The following NRXN1 variants were observed in gnomAD, a reference collection of about 807,000 sequenced individuals.
The protein encoded by NRXN1 is neurexin-1.
A neutral mutation model predicts 150.9 loss-of-function variants in NRXN1; 39 were observed. The ratio of observed to expected loss-of-function variants is 0.26; its 90% CI spans 0.20 to 0.34. The LOEUF (loss-of-function observed/expected upper bound fraction) is 0.34. Ranked by LOEUF, NRXN1 falls within the 10% of genes least tolerant of loss-of-function variation. The pLI is 1.00. For synonymous variants in NRXN1, 924 were observed against 757.0 expected, an observed-to-expected ratio of 1.22 and a Z score of -3.62; for missense variants, 1,815 against 1,949.9, an observed-to-expected ratio of 0.93 and a Z score of 1.30.
intron 21 of NRXN1, among the ~76,000 whole-genome samples, chr2:50,001,450 T>C (rs1541642): frequency 0.84 from 127,937 of 151,968 alleles, 53,941 homozygotes; most frequent in Middle Eastern, 0.89. Flanking sequence ...ATGTAAAGCA[T>C]TTAGGGGGTA....
At chr2:50,818,845 G>A (rs1163709295) in intron 5 of NRXN1, among the ~76,000 whole-genome samples, 5 of 151,992 alleles carry the variant, frequency 3.3e-5, no homozygotes, top group African/African-American at 7.2e-5. Context: ...ATTAAAAAGC[G>A]GGCAAAGAAC....
chr2:50,627,402 C>G (rs1423928125), intron 5 of NRXN1, among the ~76,000 whole-genome samples: 1 of 134,178 alleles, frequency 7.5e-6, no homozygotes, highest in African/African-American at 2.7e-5. Flanking sequence ...TGTGCGCATA[C>G]TAATAATTAT....
intron 18 of NRXN1, among the ~76,000 whole-genome samples, chr2:50,115,346 G>A (rs559802941): frequency 6.6e-6 from 1 of 150,762 alleles, no homozygotes; most frequent in African/African-American, 2.4e-5. Context: ...CAAATTTCTG[G>A]GGGTACTCAG....
intron 8 of NRXN1, among the ~76,000 whole-genome samples, chr2:50,591,722 C>T (rs1016961834): frequency 6.6e-6 from 1 of 152,152 alleles, no homozygotes; most frequent in Non-Finnish European, 1.5e-5. Context: ...AGGAGGGTGA[C>T]CCCTATCTGG....
chr2:50,144,335 C>T (rs996743895), intron 18 of NRXN1, among the ~76,000 whole-genome samples: 5 of 151,834 alleles, frequency 3.3e-5, no homozygotes, highest in African/African-American at 1.2e-4. Flanking sequence ...ACCACTCTGT[C>T]TGAATTTTTG....
At chr2:50,538,676 C>CG in intron 9 of NRXN1, 40 bp from the exon 10 acceptor site, 1 of 1,404,494 alleles carries the variant, frequency 7.1e-7, no homozygotes, top group Non-Finnish European at 9.3e-7. Flanking sequence ...CTTTAAAAAG[C>CG]ACCAACGTGT....
chr2:49,998,686 G>T (rs1236924413), intron 21 of NRXN1, among the ~76,000 whole-genome samples: 2 of 152,052 alleles, frequency 1.3e-5, no homozygotes, highest in East Asian at 3.9e-4. Flanking sequence ...AAAAAATAAT[G>T]TCATGGCTTT....
chr2:50,257,739 G>T (rs984157456), intron 17 of NRXN1, among the ~76,000 whole-genome samples: 8 of 151,932 alleles, frequency 5.3e-5, no homozygotes, highest in Non-Finnish European at 1.2e-4. Flanking sequence ...AGCAAAGAAA[G>T]ATAATTTAAA....
chr2:50,680,980 T>C (rs1559116087), intron 5 of NRXN1, among the ~76,000 whole-genome samples: 1 of 150,462 alleles, frequency 6.6e-6, no homozygotes, highest in South Asian at 2.1e-4. Flanking sequence ...GTTAACTTAG[T>C]AAAAAAAAAA....
At chr2:50,815,663 T>C (rs1668825640) in intron 5 of NRXN1, among the ~76,000 whole-genome samples, 1 of 152,170 alleles carries the variant, frequency 6.6e-6, no homozygotes, top group South Asian at 2.1e-4. Flanking sequence ...GTCAGGACTA[T>C]TTAAAAACCA....
intron 5 of NRXN1, among the ~76,000 whole-genome samples, chr2:50,880,305 C>T (rs1229573739): frequency 6.6e-6 from 1 of 151,928 alleles, no homozygotes; most frequent in Non-Finnish European, 1.5e-5. Context: ...CTTTTCTAAC[C>T]AACTGAAATA....
In NRXN1 at chr2:50,329,659, ATATATATATATATATTTTT is replaced by A. The variant is rs1482772013; in HGVS notation, c.3365-92708_3365-92690del. The stretch of plus-strand genomic sequence containing the variant: ...TATATATATATATATATATATATAT[ATATATATATATATATTTTT>A]TTTTTTCCCCCCCGAGACGGAGTCT... On this transcript the variant is annotated intron_variant, in intron 17 of 22. Transcript: ENST00000401669. Among the ~76,000 whole-genome samples, 46 of 22,154 alleles carry A rather than the reference ATATATATATATATATTTTT, an allele frequency of 2.1e-3. 3 individuals carry two copies. The highest frequency in any genetic ancestry group is 7.7e-3 in the African/African-American group (42 of 5,470). 14.5% of individuals were successfully genotyped at this position (22,154 alleles called of 152,430 possible).
chr2:50,121,263 C>T (rs184523895), intron 18 of NRXN1, among the ~76,000 whole-genome samples: 22 of 152,282 alleles, frequency 1.4e-4, no homozygotes, highest in Admixed American at 1.1e-3. Context: ...CCTTAAGATC[C>T]GCCTGCCTCA....
intron 18 of NRXN1, among the ~76,000 whole-genome samples, chr2:50,190,902 C>T (rs2061403125): frequency 6.6e-6 from 1 of 152,126 alleles, no homozygotes; most frequent in Non-Finnish European, 1.5e-5. Flanking sequence ...CATGAGCCAC[C>T]ACACCCGGCC....
chr2:50,725,474 A>G (rs2105156988), intron 5 of NRXN1, among the ~76,000 whole-genome samples: 1 of 152,312 alleles, frequency 6.6e-6, no homozygotes, highest in African/African-American at 2.4e-5. Flanking sequence ...GATTACAGGT[A>G]TTGTAAAGGG....
chr2:50,085,949 T>C (rs1415995698), intron 19 of NRXN1, among the ~76,000 whole-genome samples: 2 of 152,176 alleles, frequency 1.3e-5, no homozygotes, highest in African/African-American at 4.8e-5. Flanking sequence ...GGAAGGTGCA[T>C]AGCTTGTAGA....
At chr2:50,906,330 A>C (rs1391457927) in intron 5 of NRXN1, among the ~76,000 whole-genome samples, 4 of 152,106 alleles carry the variant, frequency 2.6e-5, no homozygotes, top group African/African-American at 9.7e-5. Context: ...ACTATAAATG[A>C]CATCACCATT....
intron 5 of NRXN1, among the ~76,000 whole-genome samples, chr2:50,738,060 A>C (rs982807454): frequency 1.3e-5 from 2 of 152,218 alleles, no homozygotes; most frequent in Non-Finnish European, 2.9e-5. Flanking sequence ...CCCTGTCTGC[A>C]GATAGCACAG....
At chr2:50,176,041 T>A (rs1419941710) in intron 18 of NRXN1, among the ~76,000 whole-genome samples, 2 of 152,142 alleles carry the variant, frequency 1.3e-5, no homozygotes, top group Non-Finnish European at 2.9e-5. Context: ...TGCTTAGAAC[T>A]GAGTCCCTCC....
Sources: allele counts gnomAD v4.1 joint callset (sites outside exome capture counted in the v4.1 genomes callset), GRCh38; gene constraint gnomAD v4.1.1; transcripts MANE v1.5; gene names NCBI Gene and HGNC (gene_info 2026-07-23, HGNC 2026-07-21).